The following NEMF variants were observed in gnomAD, a reference collection of about 807,000 sequenced individuals.
NEMF encodes the protein ribosome quality control complex subunit NEMF.
A neutral mutation model predicts 162.2 loss-of-function variants in NEMF; 89 were observed. The observed-to-expected ratio is 0.55, with a 90% CI of 0.46 to 0.65. NEMF has a LOEUF of 0.65. NEMF is among the 30% of genes least tolerant of loss of function. The probability of loss-of-function intolerance (pLI) is 0.00; values close to 1 mark genes in which losing one functional copy is unlikely to be tolerated. For synonymous variants in NEMF, 421 were observed against 404.5 expected (o/e 1.04, Z -0.49); for missense variants, 1,133 against 1,261.9 (o/e 0.90, Z 1.55).
At chr14:49,834,087 C>A in intron 7 of NEMF, 2 of 516,972 alleles carry the variant, frequency 3.9e-6, no homozygotes, top group Admixed American at 2.4e-5. Flanking sequence ...AGTGGTGATA[C>A]TTGTTTTTGT....
chr14:49,838,058 A>G, intron 6 of NEMF, 81 bp downstream of exon 6: 1 of 1,123,846 alleles, frequency 8.9e-7, no homozygotes. Context: ...ATTTTCTAAT[A>G]AAACCATAAA....
rs1290232152 is a variant in NEMF, at chr14:49,784,701, A to G, written c.3166T>C (p.Ser1056Pro). Residue 1056 changes from serine to proline, a missense_variant, in exon 33 of 33, where the codon TCA becomes CCA. By Grantham distance (74) the Ser-to-Pro change is moderately conservative. This residue lies in a region of NEMF where 532 missense variants were observed against 578.6 expected (regional missense o/e 0.92). Coordinates refer to ENST00000298310, the MANE Select transcript of NEMF (RefSeq NM_004713.6). The stretch of plus-strand genomic sequence containing the variant: ...TTCACTTTGCCAGGAATGTTTCTTG[A>G]TAAATCTGTGTCCTAAAAAAAGAAA... ...LFRSVKDTDL[S>P]RNIPGKVKVS... The G allele has an allele frequency of 6.2e-7, 1 of 1,612,714 alleles. No homozygotes were observed. Among genetic ancestry groups the G allele is most frequent in the Admixed American group, 1.7e-5 (1 of 59,934 alleles).
intron 15 of NEMF, among the ~76,000 whole-genome samples, chr14:49,827,491 C>G (rs888988311): frequency 6.6e-6 from 1 of 152,022 alleles, no homozygotes; most frequent in Non-Finnish European, 1.5e-5. Context: ...CCAGTCTTCA[C>G]TTTTGATTCA....
At chr14:49,848,857 C>G (rs1267341708) in intron 3 of NEMF, among the ~76,000 whole-genome samples, 1 of 129,072 alleles carries the variant, frequency 7.7e-6, no homozygotes, top group African/African-American at 2.8e-5. Flanking sequence ...AAAAAAAAGA[C>G]TTAAATACGA....
chr14:49,784,520 G>T lies in NEMF; in HGVS notation c.*116C>A. 1 of 696,448 alleles carries T rather than the reference G, an allele frequency of 1.4e-6. No individual in the cohort carries two copies. The highest frequency in any genetic ancestry group is 2.4e-6 in the Non-Finnish European group (1 of 408,420). The allele number at this position is 696,448 out of a possible 1,614,324, so 43.1% of individuals were successfully genotyped here. On this transcript the variant is annotated 3_prime_UTR_variant, in exon 33 of 33. Coordinates refer to ENST00000298310, the MANE Select transcript of NEMF (RefSeq NM_004713.6). ...AAGTCCTTTTGGTGAATATAGCAAGGCAATGTTTAGTTCATTTTTATAATG... is the reference window on the plus strand; with the variant it reads ...AAGTCCTTTTGGTGAATATAGCAAGTCAATGTTTAGTTCATTTTTATAATG...
intron 4 of NEMF, among the ~76,000 whole-genome samples, chr14:49,842,302 A>G (rs928502214): frequency 1.3e-5 from 2 of 152,220 alleles, no homozygotes; most frequent in Non-Finnish European, 2.9e-5. Context: ...AAAGACACAC[A>G]AAAAAGTTAT....
At chr14:49,819,788 G>C (rs1277290041) in intron 16 of NEMF, among the ~76,000 whole-genome samples, 26 of 152,138 alleles carry the variant, frequency 1.7e-4, no homozygotes, top group Admixed American at 1.6e-3. Flanking sequence ...TAGAGCAATT[G>C]CATGTACCCA....
chr14:49,825,648 A>G (rs1304491398), intron 16 of NEMF, among the ~76,000 whole-genome samples: 2 of 152,170 alleles, frequency 1.3e-5, no homozygotes. Context: ...AGGTGGGAGA[A>G]CTGTCAGAGC....
At chr14:49,850,775 A>C (rs989527748) in intron 3 of NEMF, among the ~76,000 whole-genome samples, 1 of 152,116 alleles carries the variant, frequency 6.6e-6, no homozygotes, top group Non-Finnish European at 1.5e-5. Flanking sequence ...GCTCTGGAAG[A>C]TAAGACTAGG....
At chr14:49,845,893 C>A (rs1893475558) in intron 4 of NEMF, 1 of 516,928 alleles carries the variant, frequency 1.9e-6, no homozygotes, top group African/African-American at 1.9e-5. Flanking sequence ...TAATTTACTT[C>A]TCAGATCTTC....
chr14:49,844,723 ACGCG>A lies in NEMF; in HGVS notation c.357+1413_357+1416del, dbSNP rs1566710579. 2.4e-3 allele frequency: 217 copies of A among 91,674 alleles called. 1 individual carries two copies. Among genetic ancestry groups the A allele is most frequent in the African/African-American group, 7.8e-3 (202 of 25,782 alleles). 5.7% of individuals were successfully genotyped at this position (91,674 alleles called of 1,614,324 possible). A position where few individuals can be genotyped will look rare whatever the true frequency, so the allele number is the denominator to read the frequency against. On this transcript the variant is annotated intron_variant, in intron 4 of 32. Transcript: ENST00000298310. ...TATTTATTTATATACATACACACGC[ACGCG>A]CACGCGCGCGCACACACACACACAC...
At chr14:49,817,041 C>G (rs1042657349) in intron 16 of NEMF, among the ~76,000 whole-genome samples, 1 of 152,088 alleles carries the variant, frequency 6.6e-6, no homozygotes, top group Non-Finnish European at 1.5e-5. Context: ...AATATAAATG[C>G]ATTAAATGCC....
At chr14:49,798,154 T>C (rs1418348468) in intron 25 of NEMF, among the ~76,000 whole-genome samples, 1 of 152,230 alleles carries the variant, frequency 6.6e-6, no homozygotes. Flanking sequence ...AATGAATGAA[T>C]GAATGACTTA....
intron 1 of NEMF, among the ~76,000 whole-genome samples, chr14:49,852,438 T>C (rs2140044430): frequency 6.6e-6 from 1 of 152,310 alleles, no homozygotes; most frequent in South Asian, 2.1e-4. Context: ...AGGCCAACAA[T>C]GCAAGAGCTT....
intron 4 of NEMF, chr14:49,844,897 T>G: frequency 6.3e-6 from 2 of 315,766 alleles, no homozygotes; most frequent in South Asian, 4.7e-5. Context: ...GCCTCCCGAG[T>G]AGCTGGGACT....
Position 49,828,649 on chromosome 14 carries a change from T to A in NEMF, c.1391A>T (p.Asp464Val). ...ATTGGCATATGCTGACAAGCTGAGA[T>A]CAACATCTACAAGTAAGGGCTTATT... ...QKNKPLLVDV[D>V]LSLSAYANAK... Residue 464 changes from aspartate (D) to valine (V), a missense_variant, in exon 14 of 33, where the codon GAT becomes GTT. By Grantham distance (152) the Asp-to-Val change is radical. Around this residue, in one of 3 missense-constraint regions of NEMF, gnomAD observed 582 missense variants for 631.5 expected, o/e 0.92. Transcript: ENST00000298310. The A allele has an allele frequency of 6.3e-7, 1 of 1,586,024 alleles. No homozygotes were observed. The highest frequency in any genetic ancestry group is 8.5e-7 in the Non-Finnish European group (1 of 1,172,902).
rs539329095 is a variant in NEMF, at chr14:49,794,977, C to T, written c.2619+814G>A. ...AAGTGATCCACCTGCCTCAGCCTCC[C>T]AAAGTGCTGAGATTACACGCATGAG... On this transcript the variant is annotated intron_variant, in intron 26 of 32. Transcript: ENST00000298310. Among the ~76,000 whole-genome samples the T allele has an allele frequency of 1.1e-4, 16 of 152,126 alleles. No homozygotes were observed. The South Asian group carries it at 3.3e-3, about 32-fold the overall frequency.
intron 5 of NEMF, 53 bp from the exon 6 acceptor site, chr14:49,838,259 A>C: frequency 7.1e-7 from 1 of 1,413,998 alleles, no homozygotes; most frequent in Non-Finnish European, 1.0e-6. Context: ...ACCTTACAGC[A>C]ATCTTCATAT....
chr14:49,836,218 G>A (rs1034195515), intron 6 of NEMF, among the ~76,000 whole-genome samples: 2 of 152,180 alleles, frequency 1.3e-5, no homozygotes, highest in Admixed American at 6.5e-5. Context: ...AATGGAGGTT[G>A]CAGTGAGCCG....
Sources: gnomAD v4.1 joint callset for allele counts (sites outside exome capture counted in the v4.1 genomes callset) on GRCh38, gnomAD v4.1.1 for gene constraint, gnomAD v4.1.1 regional missense constraint, MANE v1.5 for transcripts, NCBI Gene and HGNC (gene_info 2026-07-23, HGNC 2026-07-21) for gene names.